Variants in ADGRD1 observed in about 807,000 individuals in gnomAD.
ADGRD1 encodes the protein adhesion G protein-coupled receptor D1, also known as G-protein coupled receptor 133.
A neutral mutation model predicts 113.4 loss-of-function variants in ADGRD1; 77 were observed. The observed-to-expected ratio is 0.68, with a 90% CI of 0.57 to 0.82. The LOEUF (loss-of-function observed/expected upper bound fraction) is 0.82, where lower values mean the gene tolerates loss of function less well. ADGRD1 is among the 40% of genes least tolerant of loss of function. The pLI is 0.00. For synonymous variants in ADGRD1, 474 were observed against 475.0 expected, an observed-to-expected ratio of 1.00 and a Z score of 0.03; for missense variants, 1,036 against 1,139.1, an observed-to-expected ratio of 0.91 and a Z score of 1.30.
intron 6 of ADGRD1, 136 bp downstream of exon 6, chr12:130,987,485 A>G: frequency 1.1e-6 from 1 of 908,218 alleles, no homozygotes; most frequent in Non-Finnish European, 1.7e-6. Context: ...TGAACCTTAT[A>G]AACACAGTTG....
chr12:131,005,777 T>C (rs1397257955), intron 11 of ADGRD1, among the ~76,000 whole-genome samples, 195 bp from the exon 12 acceptor site: 2 of 150,848 alleles, frequency 1.3e-5, no homozygotes, highest in African/African-American at 4.9e-5. Context: ...GGAGCAGGGA[T>C]CCACCGTCAC....
intron 21 of ADGRD1, among the ~76,000 whole-genome samples, chr12:131,133,752 A>G (rs1263467227): frequency 6.6e-6 from 1 of 152,188 alleles, no homozygotes; most frequent in African/African-American, 2.4e-5. Flanking sequence ...TGGATTGTGT[A>G]ACACTTGACT....
At chr12:131,062,521 G>A (rs1015037314) in intron 13 of ADGRD1, among the ~76,000 whole-genome samples, 2 of 152,264 alleles carry the variant, frequency 1.3e-5, no homozygotes, top group African/African-American at 2.4e-5. Context: ...TATCAAAGGG[G>A]GGGCCAGATG....
At chr12:131,127,930 C>T (rs112929341) in intron 20 of ADGRD1, among the ~76,000 whole-genome samples, 1 of 26,008 alleles carries the variant, frequency 3.8e-5, no homozygotes, top group Non-Finnish European at 6.8e-5. Flanking sequence ...GTGATGGGAC[C>T]CTGAGCTCAG....
intron 13 of ADGRD1, among the ~76,000 whole-genome samples, chr12:131,056,242 T>G (rs1027290117): frequency 6.6e-6 from 1 of 152,224 alleles, no homozygotes; most frequent in Non-Finnish European, 1.5e-5. Context: ...AGACACACAT[T>G]AGAGGTTGTA....
chr12:130,984,434 G>A lies in ADGRD1; in HGVS notation c.490+2371G>A, dbSNP rs1035299908. On this transcript the variant is annotated intron_variant, in intron 5 of 24. Coordinates refer to ENST00000261654, the MANE Select transcript of ADGRD1 (RefSeq NM_198827.5). The surrounding 1 kb of genome is among the most constrained non-coding windows in gnomAD (Gnocchi z 4.1). ...GCCTCTGCAGACTGGGTTGGTGGGC[G>A]CCATGGAGTGCCTGTATTGCTGTTA... Among the ~76,000 whole-genome samples, 3 of 152,132 alleles carry A rather than the reference G, an allele frequency of 2.0e-5. No individual in the cohort carries two copies. Among genetic ancestry groups the A allele is most frequent in the Admixed American group, 6.5e-5 (1 of 15,280 alleles).
At chr12:131,082,427 C>G (rs933651898) in intron 14 of ADGRD1, among the ~76,000 whole-genome samples, 3 of 152,168 alleles carry the variant, frequency 2.0e-5, no homozygotes, top group Admixed American at 2.0e-4. Context: ...ACTGAAGGCT[C>G]TACTCCTCTG....
intron 15 of ADGRD1, among the ~76,000 whole-genome samples, chr12:131,098,169 C>CAT (rs1949980138): frequency 4.2e-5 from 3 of 71,448 alleles, no homozygotes; most frequent in South Asian, 8.0e-4. Context: ...TTCCTTCTCC[C>CAT]GCAGTGGCTG....
intron 24 of ADGRD1, 79 bp from the exon 25 acceptor site, chr12:131,139,089 A>G (rs1158728060): frequency 7.3e-6 from 8 of 1,090,476 alleles, no homozygotes; most frequent in South Asian, 1.4e-5. Flanking sequence ...TATGGGCCCA[A>G]TGCTCCCCGC....
At chr12:131,071,807 C>T (rs943112048) in intron 13 of ADGRD1, among the ~76,000 whole-genome samples, 3 of 151,962 alleles carry the variant, frequency 2.0e-5, no homozygotes, top group African/African-American at 7.3e-5. Context: ...AGCCGCCTCG[C>T]CCGGCTTCTG....
At chr12:131,071,639 G>A (rs929030203) in intron 13 of ADGRD1, among the ~76,000 whole-genome samples, 2 of 152,202 alleles carry the variant, frequency 1.3e-5, no homozygotes, top group Admixed American at 6.5e-5. Flanking sequence ...GTGCTGCTGG[G>A]CCACAGAGGG....
chr12:131,106,556 A>G (rs1950238583), intron 17 of ADGRD1, among the ~76,000 whole-genome samples: 1 of 152,244 alleles, frequency 6.6e-6, no homozygotes, highest in Non-Finnish European at 1.5e-5. Context: ...TGGTTCTGGC[A>G]GAAGCTCTTA....
Position 130,954,500 on chromosome 12 carries a change from C to T in ADGRD1, c.35C>T (p.Ser12Phe). 6.3e-7 allele frequency: 1 copy of T among 1,591,400 alleles called. No individual in the cohort carries two copies. Among genetic ancestry groups the T allele is most frequent in the South Asian group, 1.1e-5 (1 of 87,496 alleles). The change falls in exon 1 of 25, where the codon TCC becomes TTC. Residue 12 changes from serine to phenylalanine, a missense_variant. Physicochemically the swap from Ser to Phe is radical, Grantham distance 155 (BLOSUM62 -2). Transcript: ENST00000261654. The surrounding 1 kb of genome is among the most constrained non-coding windows in gnomAD (Gnocchi z 4.7). ...CTGCTGCGGCTGTGCTGCTGGTACT[C>T]CTGGCTGCTGCTATTTTATTACAAC... ...EKLLRLCCWY[S>F]WLLLFYYNFQ...
intron 21 of ADGRD1, among the ~76,000 whole-genome samples, chr12:131,132,678 G>A (rs994810411): frequency 1.3e-5 from 2 of 152,320 alleles, no homozygotes; most frequent in African/African-American, 4.8e-5. Flanking sequence ...CCTGGAGGAC[G>A]ATGGGGACTC....
rs141542494 is a variant in ADGRD1, at chr12:131,021,429, C to T, written c.1473+7089C>T. Among the ~76,000 whole-genome samples the T allele has an allele frequency of 7.8e-3, 1,193 of 152,220 alleles. 16 individuals carry two copies. The highest frequency in any genetic ancestry group is 0.025 in the African/African-American group (1,029 of 41,520). ...TTGTGGAGCATCCCTGGTCACTGTC[C>T]GATGCTTCCTCCTGATTAGGCCGAT... On this transcript the variant is annotated intron_variant, in intron 13 of 24. Coordinates refer to ENST00000261654, the MANE Select transcript of ADGRD1 (RefSeq NM_198827.5).
At chr12:131,097,108 C>T (rs148166969) in intron 15 of ADGRD1, among the ~76,000 whole-genome samples, 1 of 152,296 alleles carries the variant, frequency 6.6e-6, no homozygotes, top group Non-Finnish European at 1.5e-5. Context: ...GTCCCCCTTT[C>T]TCTCCCCTCC....
intron 16 of ADGRD1, 99 bp from the exon 17 acceptor site, chr12:131,105,655 T>C: frequency 1.2e-6 from 1 of 822,874 alleles, no homozygotes; most frequent in South Asian, 1.5e-5. Context: ...TGGCTGCTCT[T>C]GGAGGAATGG....
chr12:131,103,680 G>A (rs1057455004), intron 15 of ADGRD1, among the ~76,000 whole-genome samples: 16 of 152,354 alleles, frequency 1.1e-4, no homozygotes, highest in Admixed American at 9.1e-4. Context: ...CCTTTGTCCT[G>A]GTGATCGGGG....
chr12:131,104,067 G>A (rs948806311), intron 15 of ADGRD1, among the ~76,000 whole-genome samples: 5 of 152,230 alleles, frequency 3.3e-5, no homozygotes, highest in Non-Finnish European at 7.3e-5. Flanking sequence ...CCCTGCAGCC[G>A]CTTAATCCCC....
Sources: gnomAD v4.1 joint callset for allele counts (sites outside exome capture counted in the v4.1 genomes callset) on GRCh38, gnomAD v4.1.1 for gene constraint, Gnocchi (gnomAD v3.1) non-coding constraint, MANE v1.5 for transcripts, NCBI Gene and HGNC (gene_info 2026-07-23, HGNC 2026-07-21) for gene names.